The following ACSBG1 variants were observed in gnomAD, a reference collection of about 807,000 sequenced individuals.
ACSBG1 encodes long-chain-fatty-acid--CoA ligase ACSBG1.
Under a neutral mutation model 80.2 loss-of-function variants are expected in ACSBG1, and 39 were observed. That is an observed-to-expected ratio of 0.49 (90% CI 0.38 to 0.64). The LOEUF (loss-of-function observed/expected upper bound fraction) is 0.64. ACSBG1 is among the 30% of genes least tolerant of loss of function. The pLI is 0.00. For synonymous variants in ACSBG1, 392 were observed against 379.5 expected (o/e 1.03, Z -0.38); for missense variants, 828 against 966.4 (o/e 0.86, Z 1.90).
rs2074840468 is a variant in ACSBG1 at position 78,172,921 on chromosome 15, C to G, written c.2089+672G>C. Among the ~76,000 whole-genome samples the G allele has an allele frequency of 1.3e-5, 2 of 152,230 alleles. No individual in the cohort carries two copies. The highest frequency in any genetic ancestry group is 6.5e-5 in the Admixed American group (1 of 15,288). On this transcript the variant is annotated intron_variant, in intron 13 of 13. Transcript: ENST00000258873. This position sits in a 1 kb window ranked among gnomAD's most constrained non-coding sequence, Gnocchi z 4.1. Reference sequence around the variant, plus strand: ...CCGGAAGATCACAGTACTCTCACCCCTAGAACCACGTGACTCCAGGCTGAA... The same window carrying G: ...CCGGAAGATCACAGTACTCTCACCCGTAGAACCACGTGACTCCAGGCTGAA...
At chr15:78,193,884 G>A in intron 4 of ACSBG1, 48 bp downstream of exon 4, 1 of 1,598,964 alleles carries the variant, frequency 6.3e-7, no homozygotes, top group Non-Finnish European at 8.5e-7. Context: ...CCTACCCTCT[G>A]CCCACTGCCA....
At chr15:78,188,926 C>A (rs1421353935) in intron 5 of ACSBG1, among the ~76,000 whole-genome samples, 1 of 148,344 alleles carries the variant, frequency 6.7e-6, no homozygotes, top group Non-Finnish European at 1.5e-5. Flanking sequence ...ACTCATCTGA[C>A]AAAGGGCTAA....
At chr15:78,193,143 C>G (rs887615226) in intron 5 of ACSBG1, among the ~76,000 whole-genome samples, 2 of 152,164 alleles carry the variant, frequency 1.3e-5, no homozygotes, top group African/African-American at 4.8e-5. Context: ...ATGTCACAGC[C>G]CTAAGCCACT....
At position 78,168,692 on chromosome 15, in the gene ACSBG1, G is replaced by A. The variant is rs1159010797; in HGVS notation, c.*2752C>T. The A allele has an allele frequency of 2.9e-6, 1 of 342,310 alleles. No homozygotes were observed. Among genetic ancestry groups the A allele is most frequent in the Non-Finnish European group, 5.3e-6 (1 of 187,900 alleles). The allele number at this position is 342,310 out of a possible 1,614,324, so 21.2% of individuals were successfully genotyped here. On this transcript the variant is annotated 3_prime_UTR_variant, in exon 14 of 14. Coordinates refer to ENST00000258873, the MANE Select transcript of ACSBG1 (RefSeq NM_015162.5). The stretch of plus-strand genomic sequence containing the variant: ...AGCTCCCTGCCTCCCTTTGCATCAA[G>A]AGCACCTTATTCTTTGCAGAGTGCT...
chr15:78,216,221 G>A lies in ACSBG1; in HGVS notation c.132-8119C>T, dbSNP rs1278765425. On this transcript the variant is annotated intron_variant, in intron 1 of 13. Coordinates refer to ENST00000258873, the MANE Select transcript of ACSBG1 (RefSeq NM_015162.5). Reference sequence around the variant, plus strand: ...ATTGATTTAGCACCTCCTCTGTGCCGGATGTTGCATGGGACGAGGGGGTAT... The same window carrying A: ...ATTGATTTAGCACCTCCTCTGTGCCAGATGTTGCATGGGACGAGGGGGTAT... Among the ~76,000 whole-genome samples, 23 of 152,248 alleles carry A rather than the reference G, an allele frequency of 1.5e-4. No homozygotes were observed. In the East Asian group the frequency reaches 1.9e-3, roughly 13 times the overall value.
At position 78,209,040 on chromosome 15, in the gene ACSBG1, A is replaced by G. The variant is rs2075244253; in HGVS notation, c.132-938T>C. On this transcript the variant is annotated intron_variant, in intron 1 of 13. Coordinates refer to ENST00000258873, the MANE Select transcript of ACSBG1 (RefSeq NM_015162.5). ...CAGCATGCAACCTGTGCAGCTGGTC[A>G]TGGTGTCCCTGAGGGTAGGACCCTG... 4 of 421,036 alleles carry G rather than the reference A, an allele frequency of 9.5e-6. No homozygotes were observed. In the Admixed American group the frequency reaches 1.1e-4, roughly 11 times the overall value. The allele number at this position is 421,036 out of a possible 1,614,324, so 26.1% of individuals were successfully genotyped here.
intron 13 of ACSBG1, 109 bp downstream of exon 13, chr15:78,173,484 C>T: frequency 3.4e-6 from 5 of 1,476,876 alleles, no homozygotes; most frequent in Non-Finnish European, 4.6e-6. Flanking sequence ...CAGATTCCTG[C>T]CATGACCTTC....
intron 1 of ACSBG1, among the ~76,000 whole-genome samples, chr15:78,223,462 G>T (rs1007365753): frequency 6.6e-6 from 1 of 152,130 alleles, no homozygotes; most frequent in Non-Finnish European, 1.5e-5. Context: ...AAAAAATAGA[G>T]ACACGAAGGG....
intron 1 of ACSBG1, among the ~76,000 whole-genome samples, chr15:78,228,479 C>T (rs1356779432): frequency 2.0e-5 from 3 of 152,206 alleles, no homozygotes; most frequent in African/African-American, 7.2e-5. Flanking sequence ...TGCCTGGAGA[C>T]AGTGGGTTAG....
At chr15:78,176,397 C>G (rs370388927) in intron 11 of ACSBG1, among the ~76,000 whole-genome samples, 1 of 152,074 alleles carries the variant, frequency 6.6e-6, no homozygotes, top group South Asian at 2.1e-4. Flanking sequence ...AAAGAATATA[C>G]ACATTACTGG....
chr15:78,215,780 AAGAAAGAGAAAGAAAG>A (rs2075307230), intron 1 of ACSBG1, among the ~76,000 whole-genome samples: 1 of 147,938 alleles, frequency 6.8e-6, no homozygotes, highest in East Asian at 2.0e-4. Flanking sequence ...GAAAGAAAGA[AAGAAAGAGAAAGAAAG>A]AGAGAAAGGA....
intron 1 of ACSBG1, among the ~76,000 whole-genome samples, chr15:78,224,716 G>A (rs542567159): frequency 6.7e-5 from 10 of 148,714 alleles, no homozygotes; most frequent in South Asian, 4.3e-4. Flanking sequence ...GCGAGACTCC[G>A]CCTCAAAAAA....
At chr15:78,229,782 A>G (rs2075431672) in intron 1 of ACSBG1, among the ~76,000 whole-genome samples, 1 of 151,886 alleles carries the variant, frequency 6.6e-6, no homozygotes, top group African/African-American at 2.4e-5. Context: ...ACCCCAAACC[A>G]GGCTCTCCCC....
chr15:78,196,151 C>A lies in ACSBG1; in HGVS notation c.233-1425G>T, dbSNP rs554782404. ...TCTGTATGGCAGAGGTTAAGACCTT[C>A]TGGGATGGATGCCCATGCCACTGGC... On this transcript the variant is annotated intron_variant, in intron 2 of 13. Coordinates refer to ENST00000258873, the MANE Select transcript of ACSBG1 (RefSeq NM_015162.5). Among the ~76,000 whole-genome samples the A allele has an allele frequency of 9.2e-5, 14 of 152,318 alleles. No homozygotes were observed. The South Asian group carries it at 2.1e-3, about 23-fold the overall frequency.
chr15:78,183,873 T>C (rs2074973637), intron 5 of ACSBG1, among the ~76,000 whole-genome samples: 1 of 129,978 alleles, frequency 7.7e-6, no homozygotes, highest in African/African-American at 2.9e-5. Flanking sequence ...TGAGGCCGTA[T>C]CTTTGGGGCG....
At chr15:78,214,452 T>C (rs2075292044) in intron 1 of ACSBG1, among the ~76,000 whole-genome samples, 1 of 152,172 alleles carries the variant, frequency 6.6e-6, no homozygotes, top group Admixed American at 6.5e-5. Context: ...ATTATTATTA[T>C]CTTTTGAGAC....
intron 2 of ACSBG1, among the ~76,000 whole-genome samples, chr15:78,205,103 G>A (rs377245875): frequency 6.6e-5 from 10 of 152,208 alleles, no homozygotes; most frequent in Middle Eastern, 3.4e-3. Context: ...CTGTGGTCTC[G>A]ATGCTGCCCT....
chr15:78,223,936 G>A (rs966807861), intron 1 of ACSBG1, among the ~76,000 whole-genome samples: 7 of 152,152 alleles, frequency 4.6e-5, no homozygotes, highest in East Asian at 1.9e-4. Context: ...AGACAAGGGT[G>A]GAATGCTGGA....
chr15:78,192,354 C>T lies in ACSBG1; in HGVS notation c.663+1152G>A, dbSNP rs557486486. ...GGTCCAGCCCAAGTGTGTGTGTTCA[C>T]CCACTTCTCTACACCACCTCTGAGT... On this transcript the variant is annotated intron_variant, in intron 5 of 13. Coordinates refer to ENST00000258873, the MANE Select transcript of ACSBG1 (RefSeq NM_015162.5). Among the ~76,000 whole-genome samples the T allele has an allele frequency of 2.0e-5, 3 of 152,288 alleles. No homozygotes were observed. In the East Asian group the frequency reaches 5.8e-4, roughly 29 times the overall value.
Sources: allele counts gnomAD v4.1 joint callset (sites outside exome capture counted in the v4.1 genomes callset), GRCh38; gene constraint gnomAD v4.1.1; non-coding constraint Gnocchi (gnomAD v3.1); transcripts MANE v1.5; gene names NCBI Gene and HGNC (gene_info 2026-07-23, HGNC 2026-07-21).